MMP16: variants seen among roughly 807,000 people sequenced by gnomAD.
The protein encoded by MMP16 is matrix metallopeptidase 16.
Under a neutral mutation model 67.8 loss-of-function variants are expected in MMP16, and 12 were observed. The observed-to-expected ratio is 0.18, with a 90% confidence interval of 0.11 to 0.29. The LOEUF (loss-of-function observed/expected upper bound fraction) is 0.29, where lower values mean the gene tolerates loss of function less well. Ranked by LOEUF, MMP16 falls within the 10% of genes least tolerant of loss-of-function variation. The pLI, the probability that MMP16 is intolerant of heterozygous loss-of-function variation, is 1.00. For missense variants in MMP16, 475 were observed against 765.7 expected (o/e 0.62, Z 4.48); for synonymous variants, 249 against 255.9 (o/e 0.97, Z 0.26).
chr8:88,297,725 G>T (rs1007522735), intron 1 of MMP16, among the ~76,000 whole-genome samples: 3 of 152,168 alleles, frequency 2.0e-5, no homozygotes, highest in Non-Finnish European at 4.4e-5. Flanking sequence ...TTCATTAGTT[G>T]CAAGACTTTA....
chr8:88,159,358 G>T (rs941534746), intron 4 of MMP16, among the ~76,000 whole-genome samples: 2 of 151,954 alleles, frequency 1.3e-5, no homozygotes, highest in African/African-American at 2.4e-5. Flanking sequence ...GTGGTTTGTA[G>T]TTCTTGAAGA....
intron 1 of MMP16, among the ~76,000 whole-genome samples, chr8:88,284,593 T>C (rs978233971): frequency 6.6e-6 from 1 of 151,832 alleles, no homozygotes; most frequent in Admixed American, 6.6e-5. Context: ...AATACCAGCA[T>C]TGTAGTCTGG....
At chr8:88,282,161 G>A (rs1401701812) in intron 1 of MMP16, among the ~76,000 whole-genome samples, 1 of 145,452 alleles carries the variant, frequency 6.9e-6, no homozygotes, top group Non-Finnish European at 1.5e-5. Context: ...TGCTACCTCC[G>A]CCTCCCGGAC....
At chr8:88,274,371 C>T (rs17729255) in intron 1 of MMP16, among the ~76,000 whole-genome samples, 15,738 of 152,032 alleles carry the variant, frequency 0.1, 976 homozygotes, top group South Asian at 0.18. Context: ...TTATAACAAG[C>T]TTTGTGATTA....
intron 7 of MMP16, among the ~76,000 whole-genome samples, chr8:88,068,402 T>C (rs915949682): frequency 2.6e-5 from 4 of 152,146 alleles, no homozygotes; most frequent in African/African-American, 9.6e-5. Flanking sequence ...AATTTTTAAA[T>C]TGTCTGATAT....
intron 1 of MMP16, among the ~76,000 whole-genome samples, chr8:88,230,677 A>G (rs1809845697): frequency 6.6e-6 from 1 of 152,136 alleles, no homozygotes; most frequent in South Asian, 2.1e-4. Flanking sequence ...TAAGCTATTT[A>G]AAGTTTGCAT....
At chr8:88,315,852 C>T (rs979866312) in intron 1 of MMP16, among the ~76,000 whole-genome samples, 1 of 152,138 alleles carries the variant, frequency 6.6e-6, no homozygotes, top group South Asian at 2.1e-4. Context: ...AGCTAGGCCT[C>T]CTTCACTGAA....
intron 6 of MMP16, among the ~76,000 whole-genome samples, chr8:88,113,099 A>G (rs1386894180): frequency 2.6e-5 from 4 of 151,852 alleles, no homozygotes; most frequent in Non-Finnish European, 5.9e-5. Context: ...TGACATCCCT[A>G]TTCATTAGCA....
At position 88,070,327 on chromosome 8, in the gene MMP16, G is replaced by A. The variant is rs117470995; in HGVS notation, c.1222+4278C>T. Among the ~76,000 whole-genome samples the A allele has an allele frequency of 4.3e-3, 658 of 152,176 alleles. 6 individuals carry two copies. Among genetic ancestry groups the A allele is most frequent in the Non-Finnish European group, 5.5e-3 (373 of 67,988 alleles). ...TGAAGATTTGTTAAGTGGAATTCAA[G>A]CAGGGATATTTCTAGGATAATTATT... On this transcript the variant is annotated intron_variant, in intron 7 of 9. Coordinates refer to ENST00000286614, the MANE Select transcript of MMP16 (RefSeq NM_005941.5).
At chr8:88,218,845 C>A (rs1388151452) in intron 1 of MMP16, among the ~76,000 whole-genome samples, 2 of 151,968 alleles carry the variant, frequency 1.3e-5, no homozygotes, top group Non-Finnish European at 2.9e-5. Flanking sequence ...CAGAAAAAGA[C>A]CCAATGGTAG....
chr8:88,265,223 C>CTATTTTT (rs1810455701), intron 1 of MMP16, among the ~76,000 whole-genome samples: 1 of 100,780 alleles, frequency 9.9e-6, no homozygotes, highest in African/African-American at 4.0e-5. Context: ...TGACCATTTC[C>CTATTTTT]TTTTTTTTTT....
chr8:88,092,699 G>A (rs941701110), intron 6 of MMP16, among the ~76,000 whole-genome samples: 1 of 151,762 alleles, frequency 6.6e-6, no homozygotes, highest in Admixed American at 6.6e-5. Flanking sequence ...AAGCAGAAAT[G>A]TGCTTTTTTG....
At chr8:88,170,357 C>A (rs1436330684) in intron 3 of MMP16, among the ~76,000 whole-genome samples, 2 of 152,198 alleles carry the variant, frequency 1.3e-5, no homozygotes, top group East Asian at 3.9e-4. Flanking sequence ...TGAGATAGCA[C>A]AGACATTTGT....
intron 1 of MMP16, among the ~76,000 whole-genome samples, chr8:88,243,391 A>T (rs7818066): frequency 6.6e-6 from 1 of 152,070 alleles, no homozygotes; most frequent in Admixed American, 6.5e-5. Flanking sequence ...TTGATGCACC[A>T]GGCAACGCCA....
intron 4 of MMP16, among the ~76,000 whole-genome samples, chr8:88,136,956 T>C (rs570112108): frequency 1.6e-4 from 24 of 152,004 alleles, no homozygotes; most frequent in African/African-American, 5.8e-4. Flanking sequence ...CTAATACATA[T>C]GTTTGTGTAT....
At chr8:88,149,015 G>T (rs890009521) in intron 4 of MMP16, among the ~76,000 whole-genome samples, 2 of 152,200 alleles carry the variant, frequency 1.3e-5, no homozygotes, top group African/African-American at 4.8e-5. Flanking sequence ...CACCGGGCGC[G>T]AGCCAAAGCA....
At chr8:88,176,135 G>T (rs1040017028) in intron 3 of MMP16, among the ~76,000 whole-genome samples, 3 of 152,092 alleles carry the variant, frequency 2.0e-5, no homozygotes, top group African/African-American at 7.2e-5. Flanking sequence ...TAAGTAACTT[G>T]CAGGTTTTAC....
At chr8:88,098,939 C>T (rs1809082608) in intron 6 of MMP16, among the ~76,000 whole-genome samples, 1 of 151,650 alleles carries the variant, frequency 6.6e-6, no homozygotes, top group Non-Finnish European at 1.5e-5. Flanking sequence ...GATTTTTTTA[C>T]ACTGAGTTAT....
chr8:88,289,676 T>A (rs1007410115), intron 1 of MMP16, among the ~76,000 whole-genome samples: 2 of 137,584 alleles, frequency 1.5e-5, no homozygotes, highest in Admixed American at 1.6e-4. Context: ...ACTGAACTGC[T>A]ACTCCTAGAG....
Sources: gnomAD v4.1 joint callset for allele counts (sites outside exome capture counted in the v4.1 genomes callset) on GRCh38, gnomAD v4.1.1 for gene constraint, MANE v1.5 for transcripts, NCBI Gene and HGNC (gene_info 2026-07-23, HGNC 2026-07-21) for gene names.